The following NDUFS1 variants were observed in gnomAD, a reference collection of about 807,000 sequenced individuals.
NDUFS1 encodes the protein NADH-ubiquinone oxidoreductase 75 kDa subunit, mitochondrial.
NDUFS1 carries 61 observed loss-of-function variants against 84.4 expected under a neutral mutation model. The observed-to-expected ratio is 0.72, with a 90% CI of 0.59 to 0.89. The LOEUF is 0.89. Ranked by LOEUF, NDUFS1 falls within the 40% of genes least tolerant of loss-of-function variation. The pLI, the probability that NDUFS1 is intolerant of heterozygous loss-of-function variation, is 0.00. For synonymous variants in NDUFS1, 275 were observed against 290.0 expected, an observed-to-expected ratio of 0.95 and a Z score of 0.53; for missense variants, 891 against 890.0, an observed-to-expected ratio of 1.00 and a Z score of -0.01.
chr2:206,124,689 A>C (rs956393462), intron 18 of NDUFS1, among the ~76,000 whole-genome samples: 4 of 152,030 alleles, frequency 2.6e-5, no homozygotes, highest in Admixed American at 1.3e-4. Context: ...AATACAAAAA[A>C]TTAGCCAGGT....
chr2:206,143,069 T>C (rs922961407), intron 10 of NDUFS1, among the ~76,000 whole-genome samples: 4 of 152,164 alleles, frequency 2.6e-5, no homozygotes, highest in Admixed American at 2.0e-4. Flanking sequence ...CTAGCCAACA[T>C]GGTGAAATCC....
chr2:206,122,054 G>A lies in NDUFS1; in HGVS notation c.*2131C>T, dbSNP rs1382560127. The A allele has an allele frequency of 7.9e-5, 12 of 152,176 alleles. No homozygotes were observed. 9.4% of individuals were successfully genotyped at this position (152,176 alleles called of 1,614,324 possible). ...CAGGTAACTGGGCATTTTAGGCAAA[G>A]CACACAACTTCATGATGTATCACTG... On this transcript the variant is annotated 3_prime_UTR_variant, in exon 19 of 19. Coordinates refer to ENST00000233190, the MANE Select transcript of NDUFS1 (RefSeq NM_005006.7).
chr2:206,151,466 CTCTT>C (rs1210011552), intron 3 of NDUFS1, among the ~76,000 whole-genome samples: 2 of 152,150 alleles, frequency 1.3e-5, no homozygotes, highest in Non-Finnish European at 2.9e-5. Context: ...CACCCAATAC[CTCTT>C]TCTACTACCT....
intron 14 of NDUFS1, among the ~76,000 whole-genome samples, chr2:206,130,907 T>C (rs1178467480): frequency 6.6e-6 from 1 of 152,180 alleles, no homozygotes; most frequent in Non-Finnish European, 1.5e-5. Flanking sequence ...ATCAGATTAT[T>C]TCAAAAATGA....
At chr2:206,153,580 T>C in intron 2 of NDUFS1, 38 bp downstream of exon 2, 1 of 1,188,134 alleles carries the variant, frequency 8.4e-7, no homozygotes, top group Non-Finnish European at 1.3e-6. Context: ...AAAAATAAGG[T>C]CTAATATCCA....
rs1303148105 is a variant in NDUFS1 at position 206,116,500 on chromosome 2, T to G, written c.*7685A>C. On this transcript the variant is annotated 3_prime_UTR_variant, in exon 19 of 19. Coordinates refer to ENST00000233190, the MANE Select transcript of NDUFS1 (RefSeq NM_005006.7). Reference sequence around the variant, plus strand: ...ACGCTCCGCACCACTCGCAGCGCCATGTTCCCAGGGGTGCGGGGATGGCAG... The same window carrying G: ...ACGCTCCGCACCACTCGCAGCGCCAGGTTCCCAGGGGTGCGGGGATGGCAG... The G allele has an allele frequency of 8.2e-7, 1 of 1,212,314 alleles. No individual in the cohort carries two copies. Among genetic ancestry groups the G allele is most frequent in the Non-Finnish European group, 1.2e-6 (1 of 855,386 alleles). 75.1% of individuals were successfully genotyped at this position (1,212,314 alleles called of 1,614,324 possible). A position where few individuals can be genotyped will look rare whatever the true frequency, so the allele number is the denominator to read the frequency against.
rs890840769 is a variant in NDUFS1 at position 206,133,979 on chromosome 2, AAAAACAAAAC to A, written c.1393-884_1393-875del. On this transcript the variant is annotated intron_variant, in intron 13 of 18. Transcript: ENST00000233190. ...GGGCAACAGAGTGAGACTCTGTCTCAAAAACAAAACAAAACAAAACGTGTAAAGTTATAGA... is the reference window on the plus strand; with the variant it reads ...GGGCAACAGAGTGAGACTCTGTCTCAAAAACAAAACGTGTAAAGTTATAGA... Among the ~76,000 whole-genome samples, 20 of 152,304 alleles carry A rather than the reference AAAAACAAAAC, an allele frequency of 1.3e-4. No individual in the cohort carries two copies. In the East Asian group the frequency reaches 3.7e-3, roughly 28 times the overall value.
At chr2:206,148,162 T>A (rs1692232197) in intron 5 of NDUFS1, among the ~76,000 whole-genome samples, 1 of 152,082 alleles carries the variant, frequency 6.6e-6, no homozygotes, top group Non-Finnish European at 1.5e-5. Flanking sequence ...TGACCTCAAG[T>A]GATCCTCCCG....
At chr2:206,144,449 A>G (rs1372743553) in intron 9 of NDUFS1, among the ~76,000 whole-genome samples, 1 of 152,264 alleles carries the variant, frequency 6.6e-6, no homozygotes. Context: ...ACAGCTAAAA[A>G]AGTCAAATCA....
rs757622422 is a variant in NDUFS1 at position 206,140,941 on chromosome 2, T to TACACACACACACACACAC, written c.1262+999_1262+1000insGTGTGTGTGTGTGTGTGT. On this transcript the variant is annotated intron_variant, in intron 12 of 18. Coordinates refer to ENST00000233190, the MANE Select transcript of NDUFS1 (RefSeq NM_005006.7). ...TAGTGTGTATATATATATATATATA[T>TACACACACACACACACAC]ATACACACACACTGAGAATCATAAT... Among the ~76,000 whole-genome samples the TACACACACACACACACAC allele has an allele frequency of 8.8e-3, 590 of 67,054 alleles. 1 individual carries two copies. The highest frequency in any genetic ancestry group is 0.011 in the Non-Finnish European group (402 of 35,634). 44.0% of individuals were successfully genotyped at this position (67,054 alleles called of 152,430 possible).
intron 11 of NDUFS1, 65 bp downstream of exon 11, chr2:206,142,621 T>C: frequency 6.3e-7 from 1 of 1,594,316 alleles, no homozygotes; most frequent in East Asian, 2.2e-5. Context: ...GGTTGTCACA[T>C]TTTATACATA....
At chr2:206,127,741 TA>T (rs1282121636) in intron 16 of NDUFS1, 55 bp downstream of exon 16, 2 of 1,574,446 alleles carry the variant, frequency 1.3e-6, no homozygotes, top group Non-Finnish European at 8.7e-7. Context: ...TCTAACAGGC[TA>T]AAATATCAAA....
chr2:206,157,346 GT>G (rs1018580559), intron 1 of NDUFS1, among the ~76,000 whole-genome samples: 3 of 152,070 alleles, frequency 2.0e-5, no homozygotes, highest in African/African-American at 7.2e-5. Flanking sequence ...TAAACTGTAG[GT>G]TAGTAATCAA....
In NDUFS1 at chr2:206,147,047, G is replaced by C. The variant is rs1692181134; in HGVS notation, c.593C>G (p.Thr198Arg). 1 of 1,613,926 alleles carries C rather than the reference G, an allele frequency of 6.2e-7. No homozygotes were observed. The highest frequency in any genetic ancestry group is 8.5e-7 in the Non-Finnish European group (1 of 1,179,992). The change falls in exon 8 of 19, where the codon ACA becomes AGA. Residue 198 changes from threonine (T) to arginine (R), a missense_variant. Physicochemically the swap from Thr to Arg is moderately conservative, Grantham distance 71. Coordinates refer to ENST00000233190, the MANE Select transcript of NDUFS1 (RefSeq NM_005006.7). ...AACTTGCATATCATTTCCTCTGCCT[G>C]TTGTTCCCAAATCATCTACTCCTGC... ...EIAGVDDLGT[T>R]GRGNDMQVGT... is the part of the protein sequence containing the mutation.
intron 1 of NDUFS1, among the ~76,000 whole-genome samples, chr2:206,154,475 T>C (rs1237054615): frequency 2.6e-5 from 4 of 152,334 alleles, no homozygotes; most frequent in East Asian, 1.9e-4. Flanking sequence ...ACAATAAAGA[T>C]AATTATCCAA....
At chr2:206,136,434 T>G (rs949676167) in intron 13 of NDUFS1, among the ~76,000 whole-genome samples, 2 of 121,200 alleles carry the variant, frequency 1.7e-5, no homozygotes, top group Admixed American at 8.9e-5. Context: ...TTGGTTTTTT[T>G]TTTGTTTTTT....
intron 14 of NDUFS1, among the ~76,000 whole-genome samples, chr2:206,132,370 G>T (rs1179685232): frequency 6.6e-6 from 1 of 152,100 alleles, no homozygotes; most frequent in African/African-American, 2.4e-5. Flanking sequence ...TATCGCCTGA[G>T]CCCAGGAGTT....
At chr2:206,150,701 G>T (rs564554783) in intron 3 of NDUFS1, among the ~76,000 whole-genome samples, 7 of 152,284 alleles carry the variant, frequency 4.6e-5, no homozygotes, top group African/African-American at 1.4e-4. Flanking sequence ...TTAATCTGCA[G>T]CCATGTTAGA....
At chr2:206,147,971 G>A in intron 5 of NDUFS1, 137 bp from the exon 6 acceptor site, 2 of 796,730 alleles carry the variant, frequency 2.5e-6, no homozygotes, top group South Asian at 2.9e-5. Context: ...AGGCTGCAGT[G>A]CAGTGGCACA....
Sources: allele counts gnomAD v4.1 joint callset (sites outside exome capture counted in the v4.1 genomes callset), GRCh38; gene constraint gnomAD v4.1.1; transcripts MANE v1.5; gene names NCBI Gene and HGNC (gene_info 2026-07-23, HGNC 2026-07-21).